Variants in BBOF1 observed in about 807,000 individuals in gnomAD.
The protein encoded by BBOF1 is basal body orientation factor 1.
Under a neutral mutation model 68.0 loss-of-function variants are expected in BBOF1, and 62 were observed. The ratio of observed to expected loss-of-function variants is 0.91; its 90% CI spans 0.74 to 1.13. The LOEUF (loss-of-function observed/expected upper bound fraction) is 1.13, where lower values mean the gene tolerates loss of function less well. BBOF1 is among the 50% of genes most tolerant of loss of function. The pLI is 0.00. For missense variants in BBOF1, 534 were observed against 600.1 expected (o/e 0.89, Z 1.15); for synonymous variants, 208 against 198.8 (o/e 1.05, Z -0.39).
chr14:74,030,356 G>A (rs1236383207), intron 3 of BBOF1, among the ~76,000 whole-genome samples: 2 of 151,658 alleles, frequency 1.3e-5, no homozygotes, highest in South Asian at 2.1e-4. Flanking sequence ...ACCTGACTTA[G>A]AGGTTGCTTT....
At chr14:74,045,230 G>C (rs2059923536) in intron 5 of BBOF1, among the ~76,000 whole-genome samples, 1 of 152,108 alleles carries the variant, frequency 6.6e-6, no homozygotes, top group Non-Finnish European at 1.5e-5. Flanking sequence ...ATGAGATCAG[G>C]GACCTTGTCT....
intron 11 of BBOF1, among the ~76,000 whole-genome samples, chr14:74,062,598 CA>C (rs887600653): frequency 2.0e-5 from 3 of 151,994 alleles, no homozygotes; most frequent in African/African-American, 4.8e-5. Flanking sequence ...AAGATTCCAT[CA>C]AAAAAACCCC....
intron 8 of BBOF1, among the ~76,000 whole-genome samples, chr14:74,053,737 A>C (rs1282912752): frequency 7.0e-6 from 1 of 143,788 alleles, no homozygotes; most frequent in Non-Finnish European, 1.5e-5. Flanking sequence ...TTTTTGAGAG[A>C]GTCTCACTCT....
In BBOF1 at chr14:74,075,022, G is replaced by A. The variant is rs373676542; in HGVS notation, n.1380-3174G>A. On this transcript the variant is annotated intron_variant and non_coding_transcript_variant, in intron 9 of 12. Coordinates refer to the BBOF1 transcript ENST00000492026. ...GGATTTCACCTTGGAAGAAACCTGT[G>A]AGGCAAAAGAACGATTATTTTGATA... is the stretch of plus-strand genomic sequence containing the variant. 10 of 1,613,520 alleles carry A rather than the reference G, an allele frequency of 6.2e-6. No individual in the cohort carries two copies. The African/African-American group carries it at 1.1e-4, about 17-fold the overall frequency.
At chr14:74,039,600 T>TC in intron 4 of BBOF1, among the ~76,000 whole-genome samples, 1 of 151,704 alleles carries the variant, frequency 6.6e-6, no homozygotes, top group East Asian at 1.9e-4. Context: ...GGCTAATTTT[T>TC]TTTTTTTTTG....
At chr14:74,060,599 G>A (rs545399557) in intron 11 of BBOF1, 3 of 1,342,016 alleles carry the variant, frequency 2.2e-6, no homozygotes, top group East Asian at 2.3e-5. Flanking sequence ...CAAAAATAAA[G>A]GGAGATTACT....
rs988707489 is a variant in BBOF1 at position 74,045,372 on chromosome 14, C to T, written c.577-688C>T. On this transcript the variant is annotated intron_variant, in intron 5 of 11. Coordinates refer to ENST00000394009, the MANE Select transcript of BBOF1 (RefSeq NM_025057.3). ...GTTGCCCATCTGGAGTGCAATGGCG[C>T]GATCTTGGCTTACCACAAACTCTGC... Among the ~76,000 whole-genome samples, 10 of 152,156 alleles carry T rather than the reference C, an allele frequency of 6.6e-5. No individual in the cohort carries two copies. The East Asian group carries it at 7.7e-4, about 12-fold the overall frequency.
At chr14:74,045,384 A>G (rs2059927028) in intron 5 of BBOF1, among the ~76,000 whole-genome samples, 1 of 152,070 alleles carries the variant, frequency 6.6e-6, no homozygotes, top group Non-Finnish European at 1.5e-5. Flanking sequence ...ATCTTGGCTT[A>G]CCACAAACTC....
downstream of BBOF1, chr14:74,070,580 T>C (rs766627066): frequency 6.4e-6 from 1 of 155,398 alleles, no homozygotes; most frequent in African/African-American, 2.4e-5. Flanking sequence ...CAGACACTAT[T>C]GTGTTCTCAT....
chr14:74,051,041 C>T (rs929845753), intron 8 of BBOF1, among the ~76,000 whole-genome samples: 8 of 151,838 alleles, frequency 5.3e-5, no homozygotes, highest in Non-Finnish European at 1.0e-4. Flanking sequence ...GTCAGGAGTT[C>T]GAGACCAGCC....
intron 5 of BBOF1, among the ~76,000 whole-genome samples, chr14:74,044,666 C>T (rs554553198): frequency 6.6e-6 from 1 of 152,180 alleles, no homozygotes; most frequent in East Asian, 1.9e-4. Flanking sequence ...TGGTTCATGC[C>T]TGTAATCCCA....
At chr14:74,035,863 G>A (rs2059687549) in intron 4 of BBOF1, among the ~76,000 whole-genome samples, 1 of 151,810 alleles carries the variant, frequency 6.6e-6, no homozygotes, top group African/African-American at 2.4e-5. Context: ...AAGTCACATA[G>A]CATTACTTCC....
At position 74,049,918 on chromosome 14, in the gene BBOF1, A is replaced by G. The variant is rs34995157; in HGVS notation, c.1009A>G (p.Met337Val). The part of the protein sequence containing the change: ...EIDKLQHLLQ[M>V]KDREMNRVKK... ...TGACAAGCTGCAGCACCTTCTTCAGATGAAGGACAGGGAAATGAATCGTGT... is the reference window on the plus strand; with the variant it reads ...TGACAAGCTGCAGCACCTTCTTCAGGTGAAGGACAGGGAAATGAATCGTGT... Residue 337 changes from methionine (M) to valine (V), a missense_variant, in exon 8 of 12, where the codon ATG (methionine) becomes GTG (valine). Physicochemically the swap from Met to Val is conservative, Grantham distance 21. Transcript: ENST00000394009. The G allele has an allele frequency of 7.5e-4, 1,205 of 1,614,192 alleles. 11 individuals are homozygous for G. The African/African-American group carries it at 0.014, about 19-fold the overall frequency.
intron 6 of BBOF1, among the ~76,000 whole-genome samples, chr14:74,046,570 G>A (rs1229731440): frequency 6.6e-6 from 1 of 151,920 alleles, no homozygotes; most frequent in African/African-American, 2.4e-5. Context: ...ACAGGGTTTC[G>A]CCATGTTGGC....
chr14:74,057,528 A>T, intron 11 of BBOF1: 1 of 1,348,540 alleles, frequency 7.4e-7, no homozygotes, highest in Non-Finnish European at 9.6e-7. Context: ...CAAAATGTGT[A>T]CTATCTTTTA....
chr14:74,023,949 GA>G (rs1178003378), intron 2 of BBOF1, among the ~76,000 whole-genome samples: 1 of 144,506 alleles, frequency 6.9e-6, no homozygotes, highest in Non-Finnish European at 1.5e-5. Context: ...AAAAAGAAAA[GA>G]AAAGAAAAAG....
Position 74,065,483 on chromosome 14 carries a change from T to C in BBOF1, c.*784T>C. The stretch of plus-strand genomic sequence containing the variant: ...GGACAACTTTCATATTACTAATCTC[T>C]TTTCATTTCAAATCACCTATTTAAA... On this transcript the variant is annotated 3_prime_UTR_variant, in exon 12 of 12. Coordinates refer to ENST00000394009, the MANE Select transcript of BBOF1 (RefSeq NM_025057.3). The C allele has an allele frequency of 1.1e-6, 1 of 904,316 alleles. No individual in the cohort carries two copies. The highest frequency in any genetic ancestry group is 1.7e-6 in the Non-Finnish European group (1 of 580,062). The allele number at this position is 904,316 out of a possible 1,614,324, so 56.0% of individuals were successfully genotyped here. A position where few individuals can be genotyped will look rare whatever the true frequency, so the allele number is the denominator to read the frequency against.
intron 1 of BBOF1, 44 bp downstream of exon 1, chr14:74,019,578 T>C: frequency 6.4e-7 from 1 of 1,556,356 alleles, no homozygotes. Context: ...TGGGCCTGCC[T>C]GGGATTTCGG....
At chr14:74,070,010 G>T (rs1312118242), downstream of BBOF1, among the ~76,000 whole-genome samples, 1 of 151,646 alleles carries the variant, frequency 6.6e-6, no homozygotes, top group Non-Finnish European at 1.5e-5. Context: ...GCTAATTTTT[G>T]TATTTTTTTT....
Sources: allele counts gnomAD v4.1 joint callset (sites outside exome capture counted in the v4.1 genomes callset), GRCh38; gene constraint gnomAD v4.1.1; transcripts MANE v1.5; gene names NCBI Gene and HGNC (gene_info 2026-07-23, HGNC 2026-07-21).